AXIN1: variants seen among roughly 807,000 people sequenced by gnomAD.
The protein encoded by AXIN1 is axin-1.
A neutral mutation model predicts 76.4 loss-of-function variants in AXIN1; 30 were observed. The ratio of observed to expected loss-of-function variants is 0.39; its 90% CI spans 0.29 to 0.53. The LOEUF (loss-of-function observed/expected upper bound fraction) is 0.53. Among genes scored for constraint, AXIN1 ranks in the 20% least tolerant of loss-of-function variants. AXIN1 has a pLI of 0.66. For missense variants in AXIN1, 1,140 were observed against 1,198.8 expected (o/e 0.95, Z 0.72); for synonymous variants, 545 against 501.4 (o/e 1.09, Z -1.16).
intron 2 of AXIN1, among the ~76,000 whole-genome samples, chr16:327,606 C>T (rs13332558): frequency 0.015 from 2,322 of 152,326 alleles, 60 homozygotes; most frequent in African/African-American, 0.052. Flanking sequence ...TGTCCACAGG[C>T]GCAGCACAGG....
chr16:294,887 C>A (rs1040721651), intron 7 of AXIN1, among the ~76,000 whole-genome samples: 1 of 151,206 alleles, frequency 6.6e-6, no homozygotes, highest in Non-Finnish European at 1.5e-5. Flanking sequence ...ACGGTGAAAC[C>A]CCACCTCTAC....
chr16:288,385 G>T, intron 10 of AXIN1, 137 bp from the exon 11 acceptor site: 1 of 1,307,742 alleles, frequency 7.6e-7, no homozygotes, highest in South Asian at 1.2e-5. Context: ...CTGCATGTGC[G>T]CCCCCTCCCA....
chr16:316,155 A>C (rs1435987648), intron 2 of AXIN1, among the ~76,000 whole-genome samples: 2 of 152,164 alleles, frequency 1.3e-5, no homozygotes, highest in South Asian at 2.1e-4. Context: ...CCAGAATTAC[A>C]CATATATTCT....
Position 287,720 on chromosome 16 carries a change from G to A in AXIN1, c.*402C>T. On this transcript the variant is annotated 3_prime_UTR_variant, in exon 11 of 11. Coordinates refer to ENST00000262320, the MANE Select transcript of AXIN1 (RefSeq NM_003502.4). Reference sequence around the variant, plus strand: ...GGCGCGTACAATTGACAGAGGCCCTGCAGGCCTCTGCATCCGGGCCTGGGC... The same window carrying A: ...GGCGCGTACAATTGACAGAGGCCCTACAGGCCTCTGCATCCGGGCCTGGGC... The A allele has an allele frequency of 5.2e-6, 2 of 385,622 alleles. No homozygotes were observed. The highest frequency in any genetic ancestry group is 9.8e-6 in the Non-Finnish European group (2 of 204,542). 23.9% of individuals were successfully genotyped at this position (385,622 alleles called of 1,614,324 possible).
At chr16:347,358 A>G (rs1316652647) in intron 1 of AXIN1, among the ~76,000 whole-genome samples, 2 of 152,180 alleles carry the variant, frequency 1.3e-5, no homozygotes, top group Non-Finnish European at 2.9e-5. Flanking sequence ...TGGGAATGCC[A>G]CTCCCCACAA....
At chr16:329,387 T>A (rs1211447593) in intron 2 of AXIN1, among the ~76,000 whole-genome samples, 1 of 152,082 alleles carries the variant, frequency 6.6e-6, no homozygotes, top group African/African-American at 2.4e-5. Context: ...GCGATCTAGA[T>A]AGAATAGTAG....
intron 2 of AXIN1, among the ~76,000 whole-genome samples, chr16:332,467 T>G (rs1049448201): frequency 2.0e-5 from 3 of 150,856 alleles, no homozygotes; most frequent in Non-Finnish European, 4.4e-5. Context: ...GTCCCAGCTC[T>G]AGGGAGGCTG....
chr16:344,673 G>C (rs568315296), intron 2 of AXIN1, among the ~76,000 whole-genome samples: 1 of 152,020 alleles, frequency 6.6e-6, no homozygotes, highest in African/African-American at 2.4e-5. Context: ...ATTTTTAGTA[G>C]AAATGAGGAT....
At chr16:304,579 G>C (rs2052967620) in intron 4 of AXIN1, 138 bp from the exon 5 acceptor site, 1 of 1,359,946 alleles carries the variant, frequency 7.4e-7, no homozygotes, top group East Asian at 2.5e-5. Flanking sequence ...CTGTCACCCA[G>C]GCTGGAGTGC....
chr16:348,865 A>G (rs1172067875), intron 1 of AXIN1, among the ~76,000 whole-genome samples: 3 of 151,910 alleles, frequency 2.0e-5, no homozygotes, highest in Admixed American at 6.6e-5. Flanking sequence ...TTGGGAAGCC[A>G]AGGCGGGCGG....
intron 8 of AXIN1, chr16:292,613 G>C (rs1262249627): frequency 6.6e-6 from 1 of 152,154 alleles, no homozygotes; most frequent in Non-Finnish European, 1.5e-5. Flanking sequence ...AGGCAACCAT[G>C]GCCTCTGTGA....
intron 5 of AXIN1, 26 bp downstream of exon 5, chr16:304,278 G>C (rs2052955799): frequency 6.2e-7 from 1 of 1,607,714 alleles, no homozygotes; most frequent in South Asian, 1.1e-5. Context: ...CCGACGCGGA[G>C]CGCGACACCG....
rs139648595 is a variant in AXIN1, at chr16:292,908, G to A, written c.2186+580C>T. 2.6e-3 allele frequency: 356 copies of A among 135,906 alleles called. 3 individuals carry two copies. Among genetic ancestry groups the A allele is most frequent in the Non-Finnish European group, 3.8e-3 (228 of 60,686 alleles). 8.4% of individuals were successfully genotyped at this position (135,906 alleles called of 1,614,324 possible). A position where few individuals can be genotyped will look rare whatever the true frequency, so the allele number is the denominator to read the frequency against. On this transcript the variant is annotated intron_variant, in intron 8 of 10. Transcript: ENST00000262320. Reference sequence around the variant, plus strand: ...CAGTGAGGAGGGCTGTGGGCTGGACGTCCCGGATGAGAGAAGGGCACAGTG... The same window carrying A: ...CAGTGAGGAGGGCTGTGGGCTGGACATCCCGGATGAGAGAAGGGCACAGTG...
intron 2 of AXIN1, among the ~76,000 whole-genome samples, chr16:317,432 CA>C (rs1375508854): frequency 6.6e-6 from 1 of 152,204 alleles, no homozygotes; most frequent in Non-Finnish European, 1.5e-5. Context: ...CCCCATGCCA[CA>C]ATGGAAAACA....
rs368669315 is a variant in AXIN1, at chr16:297,179, G to A, written c.1832C>T (p.Ser611Leu). The change falls in exon 7 of 11, where the codon TCG (serine) becomes TTG (leucine). Residue 611 changes from serine (S) to leucine (L), a missense_variant. Coordinates refer to ENST00000262320, the MANE Select transcript of AXIN1 (RefSeq NM_003502.4). The part of the protein sequence containing the change: ...ACKRNAKKAE[S>L]GKSASTEVPG... ...CACCTCGGTGCTGGCGCTCTTCCCC[G>A]ACTCAGCCTTCTTGGCATTTCTTTT... is the stretch of plus-strand genomic sequence containing the variant. 345 of 1,611,094 alleles carry A rather than the reference G, an allele frequency of 2.1e-4. 6 individuals are homozygous for A. In the South Asian group the frequency reaches 3.4e-3, roughly 16 times the overall value.
intron 8 of AXIN1, chr16:292,000 GTC>G (rs2052573874): frequency 6.4e-6 from 1 of 155,692 alleles, no homozygotes; most frequent in African/African-American, 2.4e-5. Flanking sequence ...GGAGGGTCGT[GTC>G]TCAGAACGGC....
chr16:311,311 T>C (rs1184603808), intron 3 of AXIN1, among the ~76,000 whole-genome samples: 1 of 151,750 alleles, frequency 6.6e-6, no homozygotes, highest in Admixed American at 6.6e-5. Context: ...ATTACAGGCA[T>C]GCGCCACCGC....
intron 2 of AXIN1, among the ~76,000 whole-genome samples, chr16:338,465 C>T (rs1447152620): frequency 2.0e-5 from 3 of 152,250 alleles, no homozygotes; most frequent in Non-Finnish European, 2.9e-5. Flanking sequence ...GACTGAGGTC[C>T]GCCCAGGCAA....
intron 2 of AXIN1, among the ~76,000 whole-genome samples, chr16:330,304 T>C (rs543930157): frequency 6.6e-6 from 1 of 152,094 alleles, no homozygotes; most frequent in African/African-American, 2.4e-5. Context: ...GCTCAAGCAA[T>C]CCACCCACCT....
Sources: allele counts gnomAD v4.1 joint callset (sites outside exome capture counted in the v4.1 genomes callset), GRCh38; gene constraint gnomAD v4.1.1; transcripts MANE v1.5; gene names NCBI Gene and HGNC (gene_info 2026-07-23, HGNC 2026-07-21).